Variants in SCN8A observed in about 807,000 individuals in gnomAD.
The protein encoded by SCN8A is sodium channel protein type 8 subunit alpha.
A neutral mutation model predicts 184.1 loss-of-function variants in SCN8A; 30 were observed. That is an observed-to-expected ratio of 0.16 (90% confidence interval 0.12 to 0.22). SCN8A has a LOEUF of 0.22. Ranked by LOEUF, SCN8A falls within the 10% of genes least tolerant of loss-of-function variation. The pLI is 1.00. For synonymous variants in SCN8A, 852 were observed against 907.0 expected (o/e 0.94, Z 1.09); for missense variants, 1,057 against 2,498.9 (o/e 0.42, Z 12.30).
At chr12:51,690,861 A>G (rs1199936319) in intron 6 of SCN8A, among the ~76,000 whole-genome samples, 4 of 152,186 alleles carry the variant, frequency 2.6e-5, no homozygotes, top group African/African-American at 7.2e-5. Flanking sequence ...ATGAATTCCT[A>G]TATTTTTAGC....
intron 25 of SCN8A, among the ~76,000 whole-genome samples, chr12:51,793,532 AAGC>A (rs1404813253): frequency 5.3e-5 from 8 of 152,344 alleles, no homozygotes; most frequent in Non-Finnish European, 8.8e-5. Flanking sequence ...GGTATCACGT[AAGC>A]AGCAGGAATA....
At chr12:51,724,177 G>A (rs1178905354) in intron 12 of SCN8A, among the ~76,000 whole-genome samples, 14 of 152,296 alleles carry the variant, frequency 9.2e-5, no homozygotes, top group African/African-American at 3.1e-4. Context: ...CGGGCACGGT[G>A]GCTCATGCCT....
chr12:51,639,832 GT>G (rs200397804), intron 1 of SCN8A, among the ~76,000 whole-genome samples: 65 of 58,134 alleles, frequency 1.1e-3, no homozygotes, highest in Admixed American at 1.5e-3. Flanking sequence ...GTGATCATTA[GT>G]TTTTTTTTTT....
chr12:51,786,473 C>T (rs1359131345), intron 21 of SCN8A, 69 bp from the exon 22 acceptor site: 9 of 1,528,292 alleles, frequency 5.9e-6, no homozygotes, highest in Non-Finnish European at 7.2e-6. Context: ...TCATTCCCCT[C>T]CTGGAAATCA....
chr12:51,669,603 AT>A (rs1346561187), intron 2 of SCN8A, among the ~76,000 whole-genome samples: 1 of 152,172 alleles, frequency 6.6e-6, no homozygotes, highest in African/African-American at 2.4e-5. Context: ...GCCTAACTTA[AT>A]TATCTTACAC....
intron 1 of SCN8A, among the ~76,000 whole-genome samples, chr12:51,633,109 TACA>T (rs1940234852): frequency 6.6e-6 from 1 of 152,194 alleles, no homozygotes; most frequent in Non-Finnish European, 1.5e-5. Context: ...ATAGAGAAAC[TACA>T]ACACTGTTTT....
chr12:51,780,886 C>T, intron 21 of SCN8A, 115 bp downstream of exon 21: 1 of 1,243,896 alleles, frequency 8.0e-7, no homozygotes, highest in Non-Finnish European at 1.0e-6. Context: ...GATGCAGCTG[C>T]TGATTTGATC....
Position 51,608,677 on chromosome 12 carries a change from C to A in SCN8A, c.-55+17318C>A, listed in dbSNP as rs114447858. Among the ~76,000 whole-genome samples, 572 of 152,126 alleles carry A rather than the reference C, an allele frequency of 3.8e-3. 2 individuals carry two copies. Among genetic ancestry groups the A allele is most frequent in the African/African-American group, 0.013 (529 of 41,514 alleles). On this transcript the variant is annotated intron_variant, in intron 1 of 26. Transcript: ENST00000627620. ...AAAAGGTCTATCAATTTTATTTATC[C>A]TTTGAAAGAACCAGCTTTTTGTTTC...
At chr12:51,697,245 C>G (rs888082289) in intron 6 of SCN8A, among the ~76,000 whole-genome samples, 3 of 152,120 alleles carry the variant, frequency 2.0e-5, no homozygotes. Flanking sequence ...CCATGGAAGG[C>G]TCACTCTAAG....
At chr12:51,669,572 A>G (rs184740942) in intron 2 of SCN8A, among the ~76,000 whole-genome samples, 1 of 152,074 alleles carries the variant, frequency 6.6e-6, no homozygotes, top group East Asian at 1.9e-4. Flanking sequence ...GGCCCAGCCC[A>G]GAGGCCTCTT....
intron 6 of SCN8A, among the ~76,000 whole-genome samples, chr12:51,691,798 G>A (rs1306857616): frequency 6.6e-6 from 1 of 152,210 alleles, no homozygotes; most frequent in African/African-American, 2.4e-5. Flanking sequence ...ATGTTTTAGA[G>A]TTAGCAAGAG....
At chr12:51,614,520 C>A (rs1442010549) in intron 1 of SCN8A, among the ~76,000 whole-genome samples, 2 of 152,010 alleles carry the variant, frequency 1.3e-5, no homozygotes, top group Non-Finnish European at 2.9e-5. Context: ...AAAGAGAGTT[C>A]TTGTATTTTC....
At chr12:51,756,420 C>T (rs2138847225) in intron 14 of SCN8A, among the ~76,000 whole-genome samples, 1 of 152,332 alleles carries the variant, frequency 6.6e-6, no homozygotes, top group South Asian at 2.1e-4. Flanking sequence ...GCTCTGGCAC[C>T]CCTTGTGAGT....
At chr12:51,773,343 A>G (rs1341370516) in intron 19 of SCN8A, among the ~76,000 whole-genome samples, 3 of 152,216 alleles carry the variant, frequency 2.0e-5, no homozygotes, top group Non-Finnish European at 2.9e-5. Flanking sequence ...GCAGATGGGA[A>G]TGCTCACACC....
At chr12:51,686,545 GA>G (rs921986107) in intron 4 of SCN8A, 88 bp downstream of exon 4, 13 of 861,726 alleles carry the variant, frequency 1.5e-5, no homozygotes, top group Admixed American at 4.9e-5. Flanking sequence ...CCATCAAGGA[GA>G]AAAAAAATTA....
At chr12:51,690,609 G>C (rs1447624843) in intron 6 of SCN8A, among the ~76,000 whole-genome samples, 8 of 152,162 alleles carry the variant, frequency 5.3e-5, no homozygotes, top group Non-Finnish European at 1.2e-4. Context: ...CAATCTTCCT[G>C]CATCAGCCTC....
At chr12:51,699,537 G>A (rs1941648330) in intron 6 of SCN8A, 33 bp from the exon 7 acceptor site, 3 of 1,566,334 alleles carry the variant, frequency 1.9e-6, no homozygotes, top group South Asian at 2.3e-5. Context: ...GGGCTTTGAG[G>A]TGCCTCTGAT....
intron 18 of SCN8A, 41 bp downstream of exon 18, chr12:51,770,026 G>A: frequency 7.4e-7 from 1 of 1,345,430 alleles, no homozygotes; most frequent in Non-Finnish European, 1.0e-6. Flanking sequence ...GGACACTCGT[G>A]TTGCTCACAG....
chr12:51,679,960 G>A (rs1211969700), intron 2 of SCN8A, among the ~76,000 whole-genome samples: 1 of 151,942 alleles, frequency 6.6e-6, no homozygotes, highest in African/African-American at 2.4e-5. Flanking sequence ...CGCTGACCTC[G>A]TGATCCACTC....
Sources: gnomAD v4.1 joint callset for allele counts (sites outside exome capture counted in the v4.1 genomes callset) on GRCh38, gnomAD v4.1.1 for gene constraint, MANE v1.5 for transcripts, NCBI Gene and HGNC (gene_info 2026-07-23, HGNC 2026-07-21) for gene names.